Variants in RPS6KA2 observed in about 807,000 individuals in gnomAD.
RPS6KA2 encodes the protein ribosomal protein S6 kinase A2, also known as ribosomal protein S6 kinase alpha-2.
Under a neutral mutation model 91.8 loss-of-function variants are expected in RPS6KA2, and 42 were observed. The ratio of observed to expected loss-of-function variants is 0.46; its 90% CI spans 0.36 to 0.59. RPS6KA2 has a LOEUF of 0.59. RPS6KA2 is among the 20% of genes least tolerant of loss of function. The pLI is 0.00. For missense variants in RPS6KA2, 798 were observed against 978.5 expected, an observed-to-expected ratio of 0.82 and a Z score of 2.46; for synonymous variants, 414 against 393.6, an observed-to-expected ratio of 1.05 and a Z score of -0.61.
intron 10 of RPS6KA2, among the ~76,000 whole-genome samples, chr6:166,484,205 A>T (rs1781331135): frequency 6.6e-6 from 1 of 152,264 alleles, no homozygotes; most frequent in Non-Finnish European, 1.5e-5. Context: ...AGCACCTTAA[A>T]GAACAACTAC....
rs1781753034 is a variant in RPS6KA2, at chr6:166,495,453, C to T, written c.747+3055G>A. On this transcript the variant is annotated intron_variant, in intron 8 of 20. Transcript: ENST00000265678. This position sits in a 1 kb window ranked among gnomAD's most constrained non-coding sequence, Gnocchi z 4.4. ...GGAGAGTGCCTGCTGTGTTGACGTG[C>T]CGGGCAGCGCTGGGCCAGGCCTCCT... 6.6e-6 allele frequency among the ~76,000 whole-genome samples: 1 copy of T among 152,174 alleles called. No homozygotes were observed. The highest frequency in any genetic ancestry group is 1.5e-5 in the Non-Finnish European group (1 of 68,026).
intron 11 of RPS6KA2, among the ~76,000 whole-genome samples, chr6:166,466,787 T>C (rs1780539203): frequency 6.6e-6 from 1 of 152,116 alleles, no homozygotes; most frequent in African/African-American, 2.4e-5. Context: ...CATTCACTTA[T>C]TCATTTGCTC....
At chr6:166,502,487 C>T (rs1005409066) in intron 6 of RPS6KA2, among the ~76,000 whole-genome samples, 23 of 152,132 alleles carry the variant, frequency 1.5e-4, no homozygotes, top group African/African-American at 2.7e-4. Context: ...GTAAGGATCA[C>T]GCTGACCTTC....
At chr6:166,420,382 C>G (rs1040122489) in intron 17 of RPS6KA2, among the ~76,000 whole-genome samples, 7 of 152,192 alleles carry the variant, frequency 4.6e-5, no homozygotes, top group Admixed American at 3.9e-4. Flanking sequence ...CAAACTGAAA[C>G]TCTGTCCCCA....
At chr6:166,678,780 G>A (rs538992874) in intron 2 of RPS6KA2, among the ~76,000 whole-genome samples, 47 of 152,298 alleles carry the variant, frequency 3.1e-4, no homozygotes, top group Admixed American at 3.1e-3. Context: ...CTGAAGTCTC[G>A]ATCCCCCGCA....
rs564475325 is a variant in RPS6KA2, at chr6:166,517,410, T to C, written c.299-7053A>G. ...CATGCTTGTGATGGCCTTGACAGCA[T>C]GGCCCACCCAGGGCGGAAAACCACT... On this transcript the variant is annotated intron_variant, in intron 3 of 20. Coordinates refer to ENST00000265678, the MANE Select transcript of RPS6KA2 (RefSeq NM_021135.6). 1.1e-3 allele frequency among the ~76,000 whole-genome samples: 160 copies of C among 150,818 alleles called. 1 individual carries two copies. The highest frequency in any genetic ancestry group is 2.2e-3 in the Non-Finnish European group (149 of 67,864).
At chr6:166,569,395 G>T (rs757212569) in intron 1 of RPS6KA2, among the ~76,000 whole-genome samples, 1 of 152,204 alleles carries the variant, frequency 6.6e-6, no homozygotes, top group Non-Finnish European at 1.5e-5. Flanking sequence ...CATTTCATTC[G>T]GCTCCCTTGC....
At chr6:166,798,955 A>G (rs1177937301) in intron 2 of RPS6KA2, among the ~76,000 whole-genome samples, 1 of 152,262 alleles carries the variant, frequency 6.6e-6, no homozygotes, top group Non-Finnish European at 1.5e-5. Context: ...GCAGTTTCCT[A>G]TTCTTTGCTT....
chr6:166,452,853 G>C (rs1779960226), intron 12 of RPS6KA2, among the ~76,000 whole-genome samples: 1 of 152,100 alleles, frequency 6.6e-6, no homozygotes, highest in Non-Finnish European at 1.5e-5. Context: ...GAAAATACTA[G>C]AATAAATCCT....
chr6:166,624,992 C>A (rs1442932803), intron 1 of RPS6KA2, among the ~76,000 whole-genome samples: 1 of 152,106 alleles, frequency 6.6e-6, no homozygotes, highest in Non-Finnish European at 1.5e-5. Flanking sequence ...CGCCACCATG[C>A]CCAGCTAATT....
rs1016567145 is a variant in RPS6KA2, at chr6:166,419,764, G to A, written c.1820+118C>T. ...AAGGCCTGGGAGTGTTTGCATACAC[G>A]TTGGGTTTGCCCACATGCGCACACT... On this transcript the variant is annotated intron_variant, in intron 18 of 20. Coordinates refer to ENST00000265678, the MANE Select transcript of RPS6KA2 (RefSeq NM_021135.6). This position sits in a 1 kb window ranked among gnomAD's most constrained non-coding sequence, Gnocchi z 5.6. The A allele has an allele frequency of 1.3e-5, 10 of 799,638 alleles. No individual in the cohort carries two copies. The highest frequency in any genetic ancestry group is 5.0e-5 in the African/African-American group (3 of 59,540). 49.5% of individuals were successfully genotyped at this position (799,638 alleles called of 1,614,324 possible). A position where few individuals can be genotyped will look rare whatever the true frequency, so the allele number is the denominator to read the frequency against.
intron 2 of RPS6KA2, among the ~76,000 whole-genome samples, chr6:166,792,011 G>T (rs1779102550): frequency 6.6e-6 from 1 of 151,788 alleles, no homozygotes; most frequent in Non-Finnish European, 1.5e-5. Flanking sequence ...AAATAACTAA[G>T]ATCAGAACAG....
rs1779894315 is a variant in RPS6KA2 at position 166,451,046 on chromosome 6, T to C, written c.1206+57A>G. 4 of 1,604,342 alleles carry C rather than the reference T, an allele frequency of 2.5e-6. No individual in the cohort carries two copies. In the Admixed American group the frequency reaches 6.7e-5, roughly 27 times the overall value. On this transcript the variant is annotated intron_variant, in intron 13 of 20. Coordinates refer to ENST00000265678, the MANE Select transcript of RPS6KA2 (RefSeq NM_021135.6). ...ACTGAGGCCACAGGGAACACCAGAGTCACCCATCATCCAAGTGCCCTCTTA... is the reference window on the plus strand; with the variant it reads ...ACTGAGGCCACAGGGAACACCAGAGCCACCCATCATCCAAGTGCCCTCTTA...
At chr6:166,556,764 C>T (rs866010501) in intron 1 of RPS6KA2, among the ~76,000 whole-genome samples, 96 of 152,280 alleles carry the variant, frequency 6.3e-4, no homozygotes, top group African/African-American at 2.1e-3. Flanking sequence ...CTGAATCGGG[C>T]GTCGTTATTC....
chr6:166,807,755 G>A (rs1036267100), intron 2 of RPS6KA2, among the ~76,000 whole-genome samples: 4 of 152,070 alleles, frequency 2.6e-5, no homozygotes, highest in African/African-American at 9.7e-5. Flanking sequence ...AGTGTCCTGA[G>A]CTCAGGTGGC....
rs760349849 is a variant in RPS6KA2, at chr6:166,732,942, G to A, written c.123+125258C>T. Among the ~76,000 whole-genome samples, 3 of 152,222 alleles carry A rather than the reference G, an allele frequency of 2.0e-5. No homozygotes were observed. The highest frequency in any genetic ancestry group is 4.4e-5 in the Non-Finnish European group (3 of 68,044). On this transcript the variant is annotated intron_variant, in intron 2 of 21. Coordinates refer to the RPS6KA2 transcript ENST00000503859. The surrounding 1 kb of genome is among the most constrained non-coding windows in gnomAD (Gnocchi z 4.0). ...ACCTGAAGTGAAGCCTGCTGGCTTA[G>A]AGGAAATGAGGAACCGGAGCGGCTG...
chr6:166,507,222 G>T, intron 5 of RPS6KA2, among the ~76,000 whole-genome samples: 1 of 152,068 alleles, frequency 6.6e-6, no homozygotes, highest in Non-Finnish European at 1.5e-5. Context: ...ACCGACCTGC[G>T]CCTTCCATCT....
At chr6:166,748,284 C>T (rs1365414421) in intron 2 of RPS6KA2, among the ~76,000 whole-genome samples, 1 of 152,100 alleles carries the variant, frequency 6.6e-6, no homozygotes. Flanking sequence ...CGGCTCCATG[C>T]TCCCACTGCC....
At chr6:166,688,465 G>C (rs1789092298) in intron 2 of RPS6KA2, among the ~76,000 whole-genome samples, 1 of 152,216 alleles carries the variant, frequency 6.6e-6, no homozygotes. Context: ...ACGGGTGGCT[G>C]GGTTCACAAG....
Sources: gnomAD v4.1 joint callset for allele counts (sites outside exome capture counted in the v4.1 genomes callset) on GRCh38, gnomAD v4.1.1 for gene constraint, Gnocchi (gnomAD v3.1) non-coding constraint, MANE v1.5 for transcripts, NCBI Gene and HGNC (gene_info 2026-07-23, HGNC 2026-07-21) for gene names.